Variants in SERGEF observed in about 807,000 individuals in gnomAD.
SERGEF encodes the protein secretion regulating guanine nucleotide exchange factor.
A neutral mutation model predicts 50.0 loss-of-function variants in SERGEF; 51 were observed. The observed-to-expected ratio is 1.02, with a 90% CI of 0.81 to 1.29. The LOEUF (loss-of-function observed/expected upper bound fraction) is 1.29. SERGEF is among the 50% of genes most tolerant of loss of function. SERGEF has a pLI of 0.00. For synonymous variants in SERGEF, 205 were observed against 212.4 expected (o/e 0.97, Z 0.30); for missense variants, 521 against 557.0 (o/e 0.94, Z 0.65).
intron 10 of SERGEF, among the ~76,000 whole-genome samples, chr11:17,834,503 TA>T (rs1850367720): frequency 1.3e-5 from 2 of 152,220 alleles, no homozygotes; most frequent in African/African-American, 2.4e-5. Flanking sequence ...CTTAAAAACT[TA>T]TTAAACTTAT....
chr11:17,958,939 G>A (rs1852934363), intron 9 of SERGEF, among the ~76,000 whole-genome samples: 1 of 152,060 alleles, frequency 6.6e-6, no homozygotes, highest in Admixed American at 6.5e-5. Context: ...TGTGATCTCA[G>A]CTCACTGCAA....
At chr11:18,012,801 C>T (rs1854225910) in intron 1 of SERGEF, 150 bp downstream of exon 1, 5 of 1,424,816 alleles carry the variant, frequency 3.5e-6, no homozygotes, top group Non-Finnish European at 4.7e-6. Flanking sequence ...CTCCTCCGCT[C>T]CCCCTCCGCT....
Position 18,006,667 on chromosome 11 carries a change from A to T in SERGEF, c.276T>A (p.Phe92Leu). ...AGCCAAAGAGGGATTTGCAGGGGGT[A>T]AAATATGGGATATCCTCTGTGTGAC... ...GLGHTEDIPY[F>L]TPCKSLFGCP... The change falls in exon 3 of 11, where the codon TTT becomes TTA. Residue 92 changes from phenylalanine to leucine, a missense_variant. By Grantham distance (22) the Phe-to-Leu change is conservative. Transcript: ENST00000265965. 1 of 1,614,166 alleles carries T rather than the reference A, an allele frequency of 6.2e-7. No individual in the cohort carries two copies. Among genetic ancestry groups the T allele is most frequent in the Non-Finnish European group, 8.5e-7 (1 of 1,180,004 alleles).
chr11:17,955,045 T>C (rs1411690254), intron 9 of SERGEF, among the ~76,000 whole-genome samples: 21 of 152,142 alleles, frequency 1.4e-4, no homozygotes, highest in Non-Finnish European at 2.9e-5. Context: ...CAAAACTAGG[T>C]TCAGCCACTA....
chr11:17,872,598 C>T (rs1000545328), intron 10 of SERGEF, among the ~76,000 whole-genome samples: 1 of 152,146 alleles, frequency 6.6e-6, no homozygotes, highest in Non-Finnish European at 1.5e-5. Flanking sequence ...TGCAAAATTA[C>T]AAATACATTT....
At chr11:17,848,948 A>T (rs1850666123) in intron 10 of SERGEF, among the ~76,000 whole-genome samples, 1 of 152,328 alleles carries the variant, frequency 6.6e-6, no homozygotes, top group East Asian at 1.9e-4. Context: ...GGGCGGTACC[A>T]AGAGCAACAT....
At chr11:17,896,594 AAGGG>A in intron 9 of SERGEF, among the ~76,000 whole-genome samples, 1 of 13,754 alleles carries the variant, frequency 7.3e-5, no homozygotes, top group Non-Finnish European at 1.3e-4. Flanking sequence ...AGGGGAAGGG[AAGGG>A]AAGGGGAAGG....
At chr11:17,815,224 A>G (rs1454858966) in intron 10 of SERGEF, among the ~76,000 whole-genome samples, 3 of 151,836 alleles carry the variant, frequency 2.0e-5, no homozygotes, top group African/African-American at 4.8e-5. Flanking sequence ...TCTTTAGGTT[A>G]TGATCTACAT....
intron 10 of SERGEF, among the ~76,000 whole-genome samples, chr11:17,801,026 TC>T (rs1186524393): frequency 2.6e-5 from 4 of 151,802 alleles, no homozygotes; most frequent in Non-Finnish European, 5.9e-5. Context: ...AAAGCCTGTC[TC>T]TACTAAAAAT....
rs143922258 is a variant in SERGEF at position 17,988,124 on chromosome 11, A to G, written c.844+473T>C. Among the ~76,000 whole-genome samples the G allele has an allele frequency of 3.1e-3, 477 of 152,338 alleles. 1 individual carries two copies. The highest frequency in any genetic ancestry group is 0.011 in the African/African-American group (442 of 41,564). On this transcript the variant is annotated intron_variant, in intron 8 of 10. Transcript: ENST00000265965. ...AGGGAATATATGAGATGTCTGAACCAATACACATAGTTTATTAGGTCAACA... is the reference window on the plus strand; with the variant it reads ...AGGGAATATATGAGATGTCTGAACCGATACACATAGTTTATTAGGTCAACA...
At chr11:17,817,357 G>C (rs1234456800) in intron 10 of SERGEF, among the ~76,000 whole-genome samples, 2 of 151,936 alleles carry the variant, frequency 1.3e-5, no homozygotes, top group Non-Finnish European at 2.9e-5. Context: ...TGAGATTACA[G>C]GCACCCACCA....
chr11:17,942,435 A>T (rs1448709022), intron 9 of SERGEF, among the ~76,000 whole-genome samples: 2 of 151,446 alleles, frequency 1.3e-5, no homozygotes, highest in South Asian at 2.1e-4. Flanking sequence ...GCTGCTATAT[A>T]AAAAAAAAGT....
intron 4 of SERGEF, 70 bp downstream of exon 4, chr11:18,004,371 G>A: frequency 8.9e-7 from 1 of 1,126,154 alleles, no homozygotes; most frequent in Non-Finnish European, 1.3e-6. Context: ...TTTATTCTGG[G>A]GAGAGATAGG....
intron 8 of SERGEF, among the ~76,000 whole-genome samples, chr11:17,973,489 T>C (rs752483730): frequency 2.0e-5 from 3 of 152,068 alleles, no homozygotes; most frequent in African/African-American, 4.8e-5. Flanking sequence ...AGATCTCCAA[T>C]AGAGGAGACA....
intron 9 of SERGEF, among the ~76,000 whole-genome samples, chr11:17,893,791 G>A (rs190753924): frequency 6.6e-6 from 1 of 152,314 alleles, no homozygotes; most frequent in African/African-American, 2.4e-5. Context: ...AATATTAAAA[G>A]TTATGGGCTA....
chr11:17,998,432 CATACATACATATATATATATAT>C (rs1351631646), intron 5 of SERGEF, among the ~76,000 whole-genome samples: 4 of 55,886 alleles, frequency 7.2e-5, no homozygotes, highest in Admixed American at 4.1e-4. Flanking sequence ...TACATACATA[CATACATACATATATATATATAT>C]ATATATATAT....
At chr11:17,963,500 G>C (rs1047403163) in intron 8 of SERGEF, among the ~76,000 whole-genome samples, 1 of 148,232 alleles carries the variant, frequency 6.7e-6, no homozygotes, top group African/African-American at 2.5e-5. Context: ...CAATTCTCCC[G>C]CCTCAGCCTC....
Position 17,920,380 on chromosome 11 carries a change from A to C in SERGEF, c.1011+39090T>G, listed in dbSNP as rs1020098563. Among the ~76,000 whole-genome samples, 4 of 152,092 alleles carry C rather than the reference A, an allele frequency of 2.6e-5. No individual in the cohort carries two copies. In the East Asian group the frequency reaches 7.7e-4, roughly 29 times the overall value. ...AACATGGTATTTGAGTTTATTTCTT[A>C]TGTCTAGGTTTAATGTCTGTCTCTC... is the stretch of plus-strand genomic sequence containing the variant. On this transcript the variant is annotated intron_variant, in intron 9 of 10. Coordinates refer to ENST00000265965, the MANE Select transcript of SERGEF (RefSeq NM_012139.4).
chr11:17,886,012 G>A (rs1447408764), intron 9 of SERGEF, among the ~76,000 whole-genome samples: 1 of 152,106 alleles, frequency 6.6e-6, no homozygotes, highest in African/African-American at 2.4e-5. Context: ...GTGAGGTAAT[G>A]GAGAGAGTTC....
Sources: gnomAD v4.1 joint callset for allele counts (sites outside exome capture counted in the v4.1 genomes callset) on GRCh38, gnomAD v4.1.1 for gene constraint, MANE v1.5 for transcripts, NCBI Gene and HGNC (gene_info 2026-07-23, HGNC 2026-07-21) for gene names.